Variants in IMPA1 observed in about 807,000 individuals in gnomAD.
The protein encoded by IMPA1 is inositol monophosphatase 1, also known as D-galactose 1-phosphate phosphatase.
IMPA1 carries 21 observed loss-of-function variants against 34.9 expected under a neutral mutation model. The ratio of observed to expected loss-of-function variants is 0.60; its 90% CI spans 0.43 to 0.87. The LOEUF (loss-of-function observed/expected upper bound fraction) is 0.87, where lower values mean the gene tolerates loss of function less well. Ranked by LOEUF, IMPA1 falls within the 40% of genes least tolerant of loss-of-function variation. The probability of loss-of-function intolerance (pLI) is 0.00; values close to 1 mark genes in which losing one functional copy is unlikely to be tolerated. For missense variants in IMPA1, 299 were observed against 336.4 expected (o/e 0.89, Z 0.87); for synonymous variants, 95 against 104.4 (o/e 0.91, Z 0.55).
chr8:81,680,906 AT>A (rs1045928627), intron 2 of IMPA1, 123 bp from the exon 3 acceptor site: 17 of 733,762 alleles, frequency 2.3e-5, no homozygotes, highest in Middle Eastern at 3.1e-4. Flanking sequence ...ATTCTTAAAA[AT>A]GTCTTACAAA....
At chr8:81,660,841 A>G (rs1806652301) in intron 7 of IMPA1, among the ~76,000 whole-genome samples, 174 bp from the exon 8 acceptor site, 1 of 152,166 alleles carries the variant, frequency 6.6e-6, no homozygotes, top group African/African-American at 2.4e-5. Flanking sequence ...TCTAATTATC[A>G]TCGTATATTA....
intron 7 of IMPA1, among the ~76,000 whole-genome samples, chr8:81,670,104 T>G (rs535721653): frequency 1.3e-5 from 2 of 152,304 alleles, no homozygotes; most frequent in Non-Finnish European, 2.9e-5. Flanking sequence ...CTTTTCTTTA[T>G]ACATACACAT....
rs1027032336 is a variant in IMPA1, at chr8:81,684,069, G to A, written c.-25+2183C>T. Among the ~76,000 whole-genome samples, 4 of 150,994 alleles carry A rather than the reference G, an allele frequency of 2.6e-5. No homozygotes were observed. In the Admixed American group the frequency reaches 2.6e-4, roughly 10 times the overall value. The stretch of plus-strand genomic sequence containing the variant: ...AAGATTCCTGTCAAGGGCTATGGGA[G>A]TTATGAGCCAGGAATGGTGGATGCA... On this transcript the variant is annotated intron_variant, in intron 1 of 8. Coordinates refer to ENST00000256108, the MANE Select transcript of IMPA1 (RefSeq NM_005536.4).
intron 5 of IMPA1, among the ~76,000 whole-genome samples, chr8:81,675,917 C>G (rs554169062): frequency 6.6e-6 from 1 of 152,180 alleles, no homozygotes; most frequent in African/African-American, 2.4e-5. Flanking sequence ...ACCTCTTCCA[C>G]GAAGCATTTA....
Position 81,657,978 on chromosome 8 carries a change from G to A in IMPA1, c.*1373C>T, listed in dbSNP as rs140509853. The A allele has an allele frequency of 3.3e-4, 50 of 152,168 alleles. No homozygotes were observed. The highest frequency in any genetic ancestry group is 1.5e-3 in the East Asian group (8 of 5,184). The allele number at this position is 152,168 out of a possible 1,614,324, so 9.4% of individuals were successfully genotyped here. ...TCAATTTAAAGTTTTATTCATGATCGTCTTATTAAAATAAATTTAATTGCA... is the reference window on the plus strand; with the variant it reads ...TCAATTTAAAGTTTTATTCATGATCATCTTATTAAAATAAATTTAATTGCA... On this transcript the variant is annotated 3_prime_UTR_variant, in exon 9 of 9. Transcript: ENST00000256108.
chr8:81,670,549 TAA>T (rs1806956055), intron 7 of IMPA1, among the ~76,000 whole-genome samples: 2 of 152,198 alleles, frequency 1.3e-5, no homozygotes, highest in African/African-American at 2.4e-5. Flanking sequence ...AAATTAATTA[TAA>T]GAGTCTATCT....
At chr8:81,674,060 T>G in intron 5 of IMPA1, 111 bp from the exon 6 acceptor site, 1 of 649,478 alleles carries the variant, frequency 1.5e-6, no homozygotes, top group Non-Finnish European at 2.7e-6. Flanking sequence ...TGGACTGAAA[T>G]GGCTAAACTG....
At chr8:81,685,668 A>C in intron 1 of IMPA1, 1 of 461,266 alleles carries the variant, frequency 2.2e-6, no homozygotes, top group Non-Finnish European at 3.1e-6. Flanking sequence ...CATTTTATAT[A>C]TATTTTTATA....
chr8:81,684,174 T>C (rs1807395310), intron 1 of IMPA1, among the ~76,000 whole-genome samples: 1 of 147,176 alleles, frequency 6.8e-6, no homozygotes, highest in Admixed American at 6.8e-5. Context: ...CATACACATA[T>C]ATAATACAGT....
rs1466942249 is a variant in IMPA1 at position 81,676,255 on chromosome 8, A to C, written c.327T>G (p.Ile109Met). Residue 109 changes from isoleucine (I) to methionine (M), a missense_variant, in exon 5 of 9, where the codon ATT becomes ATG. Coordinates refer to ENST00000256108, the MANE Select transcript of IMPA1 (RefSeq NM_005536.4). ...ATACCTTTTTATTTACAGCAAAGCC[A>C]ATTGAAACAGCTACAAAAGGAAATC... ...VHRFPFVAVS[I>M]GFAVNKKIEF... The C allele has an allele frequency of 2.2e-6, 3 of 1,356,378 alleles. No individual in the cohort carries two copies. Among genetic ancestry groups the C allele is most frequent in the Non-Finnish European group, 1.0e-6 (1 of 992,062 alleles). The allele number at this position is 1,356,378 out of a possible 1,614,324, so 84.0% of individuals were successfully genotyped here. A position where few individuals can be genotyped will look rare whatever the true frequency, so the allele number is the denominator to read the frequency against.
chr8:81,660,521 A>G lies in IMPA1; in HGVS notation c.713T>C (p.Val238Ala). ...TTCACTCTCCATAATTTTACCTGTA[A>G]CATCCATTAGCACGCCACCAGCTTC... ...VTEAGGVLMD[V>A]TGGPFDLMSR... The change falls in exon 8 of 9, where the codon GTT becomes GCT. Residue 238 changes from valine to alanine, a missense_variant. Coordinates refer to ENST00000256108, the MANE Select transcript of IMPA1 (RefSeq NM_005536.4). 1 of 1,613,562 alleles carries G rather than the reference A, an allele frequency of 6.2e-7. No homozygotes were observed. The highest frequency in any genetic ancestry group is 8.5e-7 in the Non-Finnish European group (1 of 1,179,592).
intron 7 of IMPA1, 49 bp downstream of exon 7, chr8:81,670,890 C>T (rs1412952399): frequency 3.3e-6 from 3 of 911,236 alleles, no homozygotes; most frequent in Non-Finnish European, 3.3e-6. Context: ...GGTGTGTGCA[C>T]ACACACACGT....
chr8:81,680,247 C>T (rs371209234), intron 3 of IMPA1, among the ~76,000 whole-genome samples: 3 of 152,262 alleles, frequency 2.0e-5, no homozygotes, highest in African/African-American at 4.8e-5. Context: ...ACCAATAAAG[C>T]GTAAGTGACA....
Position 81,673,900 on chromosome 8 carries a change from G to C in IMPA1, c.398C>G (p.Ala133Gly), listed in dbSNP as rs1322795849. 2 of 1,613,198 alleles carry C rather than the reference G, an allele frequency of 1.2e-6. No individual in the cohort carries two copies. Among genetic ancestry groups the C allele is most frequent in the Non-Finnish European group, 1.7e-6 (2 of 1,179,440 alleles). Residue 133 changes from alanine to glycine, a missense_variant, in exon 6 of 9, where the codon GCC (alanine) becomes GGC (glycine). Ala to Gly is a moderately conservative substitution (Grantham distance 60). Transcript: ENST00000256108. ...YSCVEGKMYT[A>G]RKGKGAFCNG... Reference sequence around the variant, plus strand: ...ACAAAAGGCACCTTTTCCTTTTCTGGCAGTGTACATCTTGCCTTCCACACA... The same window carrying C: ...ACAAAAGGCACCTTTTCCTTTTCTGCCAGTGTACATCTTGCCTTCCACACA...
intron 6 of IMPA1, 119 bp downstream of exon 6, chr8:81,673,722 A>G: frequency 1.6e-6 from 1 of 628,396 alleles, no homozygotes; most frequent in Non-Finnish European, 2.8e-6. Context: ...GAATAAAGAG[A>G]TAATAAACAC....
intron 4 of IMPA1, among the ~76,000 whole-genome samples, chr8:81,676,825 CA>C (rs970462241): frequency 3.3e-5 from 5 of 150,630 alleles, no homozygotes; most frequent in East Asian, 1.9e-4. Flanking sequence ...CCTGTTTCTA[CA>C]AAAAAAAAGT....
intron 7 of IMPA1, among the ~76,000 whole-genome samples, chr8:81,668,402 C>T (rs943216998): frequency 8.6e-5 from 13 of 151,926 alleles, no homozygotes; most frequent in East Asian, 1.9e-4. Flanking sequence ...CTGGGCTGCA[C>T]GGCGAACCCC....
intron 6 of IMPA1, among the ~76,000 whole-genome samples, chr8:81,671,280 G>A (rs1362203417): frequency 6.6e-6 from 1 of 152,048 alleles, no homozygotes; most frequent in Non-Finnish European, 1.5e-5. Flanking sequence ...CAATTTGCCT[G>A]CATACATAAT....
At position 81,677,097 on chromosome 8, in the gene IMPA1, AT is replaced by A. The variant is rs201175205; in HGVS notation, c.303-819del. On this transcript the variant is annotated intron_variant, in intron 4 of 8. Transcript: ENST00000256108. ...TGGTTAAAAAGCATATATTTTAGTGATTTTTTTTTTTTTTGGAGACGAAGTT... is the reference window on the plus strand; with the variant it reads ...TGGTTAAAAAGCATATATTTTAGTGATTTTTTTTTTTTTGGAGACGAAGTT... Among the ~76,000 whole-genome samples, 1,028 of 145,516 alleles carry A rather than the reference AT, an allele frequency of 7.1e-3. 6 individuals carry two copies. The highest frequency in any genetic ancestry group is 0.016 in the African/African-American group (636 of 40,054).
Sources: gnomAD v4.1 joint callset for allele counts (sites outside exome capture counted in the v4.1 genomes callset) on GRCh38, gnomAD v4.1.1 for gene constraint, MANE v1.5 for transcripts, NCBI Gene and HGNC (gene_info 2026-07-23, HGNC 2026-07-21) for gene names.